VWF: variants seen among roughly 807,000 people sequenced by gnomAD.
The protein encoded by VWF is von Willebrand factor, also known as Factor VIII related antigen.
A neutral mutation model predicts 308.6 loss-of-function variants in VWF; 176 were observed. The ratio of observed to expected loss-of-function variants is 0.57; its 90% CI spans 0.50 to 0.65. The LOEUF is 0.65. Ranked by LOEUF, VWF falls within the 30% of genes least tolerant of loss-of-function variation. VWF has a pLI of 0.00. For missense variants in VWF, 3,146 were observed against 3,648.2 expected (o/e 0.86, Z 3.55); for synonymous variants, 1,385 against 1,443.4 (o/e 0.96, Z 0.92).
At chr12:6,099,036 T>C (rs1565389131) in intron 5 of VWF, among the ~76,000 whole-genome samples, 3 of 151,534 alleles carry the variant, frequency 2.0e-5, no homozygotes, top group Non-Finnish European at 4.4e-5. Context: ...TAAGAAACAA[T>C]GGGCTGGCCA....
chr12:5,963,801 A>G (rs997297405), intron 47 of VWF, among the ~76,000 whole-genome samples: 1 of 152,250 alleles, frequency 6.6e-6, no homozygotes, highest in Non-Finnish European at 1.5e-5. Context: ...CGCCTTATTT[A>G]TATCTGCATC....
intron 1 of VWF, among the ~76,000 whole-genome samples, 181 bp downstream of exon 1, chr12:6,124,240 G>T (rs2136539099): frequency 6.6e-6 from 1 of 152,280 alleles, no homozygotes. Context: ...AGCAGCCCCA[G>T]GACCCTCAGA....
intron 5 of VWF, among the ~76,000 whole-genome samples, chr12:6,100,145 C>T (rs1375747213): frequency 1.3e-5 from 2 of 152,006 alleles, no homozygotes; most frequent in Non-Finnish European, 2.9e-5. Context: ...TGAAAAAATG[C>T]TCATCATCAC....
Position 6,100,681 on chromosome 12 carries a change from G to A in VWF, c.533-5097C>T, listed in dbSNP as rs572512202. On this transcript the variant is annotated intron_variant, in intron 5 of 51. Transcript: ENST00000261405. ...ACCGCATGTTCTCACTCATAGATGG[G>A]AATTGAGCAATGAGAACACATGGAC... Among the ~76,000 whole-genome samples, 9 of 152,276 alleles carry A rather than the reference G, an allele frequency of 5.9e-5. No homozygotes were observed. The South Asian group carries it at 1.9e-3, about 32-fold the overall frequency.
At chr12:6,041,224 G>A (rs1944392762) in intron 18 of VWF, among the ~76,000 whole-genome samples, 2 of 151,942 alleles carry the variant, frequency 1.3e-5, no homozygotes, top group African/African-American at 4.8e-5. Flanking sequence ...AAGGTCAGGA[G>A]TTCGAGACCA....
Position 6,046,934 on chromosome 12 carries a change from C to T in VWF, c.2187-117G>A, listed in dbSNP as rs547820115. On this transcript the variant is annotated intron_variant, in intron 16 of 51. Transcript: ENST00000261405. The surrounding 1 kb of genome is among the most constrained non-coding windows in gnomAD (Gnocchi z 5.0). ...CCAACCAGGTCCCAGTCCCATAACC[C>T]CTCCTGAAGCACAGCTTGCTAACGT... is the stretch of plus-strand genomic sequence containing the variant. 12 of 852,198 alleles carry T rather than the reference C, an allele frequency of 1.4e-5. No homozygotes were observed. The highest frequency in any genetic ancestry group is 3.3e-5 in the African/African-American group (2 of 59,926). The allele number at this position is 852,198 out of a possible 1,614,324, so 52.8% of individuals were successfully genotyped here. A position where few individuals can be genotyped will look rare whatever the true frequency, so the allele number is the denominator to read the frequency against.
At chr12:5,997,144 G>C (rs1943816103) in intron 34 of VWF, among the ~76,000 whole-genome samples, 1 of 152,140 alleles carries the variant, frequency 6.6e-6, no homozygotes, top group African/African-American at 2.4e-5. Flanking sequence ...CACAACCACT[G>C]ACAAATGATG....
chr12:5,998,485 A>G (rs1943832757), intron 34 of VWF, among the ~76,000 whole-genome samples: 2 of 60,342 alleles, frequency 3.3e-5, no homozygotes, highest in Admixed American at 5.1e-4. Flanking sequence ...AAAAAAAAAA[A>G]AAAAAAAAAA....
intron 6 of VWF, among the ~76,000 whole-genome samples, chr12:6,089,992 G>C (rs1251466245): frequency 5.3e-5 from 8 of 151,786 alleles, no homozygotes; most frequent in South Asian, 4.2e-4. Context: ...GAGTCTCGCT[G>C]TGTCACCCAG....
At chr12:6,065,329 G>C in intron 10 of VWF, 56 bp from the exon 11 acceptor site, 1 of 1,608,078 alleles carries the variant, frequency 6.2e-7, no homozygotes, top group Non-Finnish European at 8.5e-7. Context: ...TTCCCCTGGG[G>C]TGGCCAAGGT....
At chr12:6,057,479 A>ATTTATTTTTT (rs1190622057) in intron 14 of VWF, among the ~76,000 whole-genome samples, 1 of 59,456 alleles carries the variant, frequency 1.7e-5, no homozygotes, top group Non-Finnish European at 3.7e-5. Context: ...CGCCCGGCAA[A>ATTTATTTTTT]TTTATTATTA....
chr12:6,095,390 T>C (rs778345992), intron 6 of VWF, 70 bp downstream of exon 6: 1 of 1,608,422 alleles, frequency 6.2e-7, no homozygotes, highest in South Asian at 1.1e-5. Flanking sequence ...GATATGAGAC[T>C]GAGTCCTTCT....
At chr12:6,068,814 TTCC>T (rs1944749185) in intron 10 of VWF, among the ~76,000 whole-genome samples, 7 of 139,784 alleles carry the variant, frequency 5.0e-5, no homozygotes, top group African/African-American at 2.2e-4. Flanking sequence ...TTTCTTTTTC[TTCC>T]TTTTTTTTTT....
chr12:5,987,857 G>A (rs1943696887), intron 38 of VWF, among the ~76,000 whole-genome samples: 1 of 152,184 alleles, frequency 6.6e-6, no homozygotes, highest in Non-Finnish European at 1.5e-5. Context: ...ATTTAAAAGG[G>A]CATAAGCTAA....
At chr12:5,993,615 G>GTA (rs199786013) in intron 37 of VWF, among the ~76,000 whole-genome samples, 1,595 of 148,778 alleles carry the variant, frequency 0.011, 13 homozygotes, top group Non-Finnish European at 0.016. Context: ...GTGTATGTGT[G>GTA]TATATATATA....
At chr12:6,065,409 A>T (rs1944702488) in intron 10 of VWF, 136 bp from the exon 11 acceptor site, 2 of 1,180,128 alleles carry the variant, frequency 1.7e-6, no homozygotes, top group Non-Finnish European at 2.4e-6. Context: ...ACCAGTCTAA[A>T]AACAAGTTCT....
chr12:6,053,385 T>C (rs1373349833), intron 15 of VWF, among the ~76,000 whole-genome samples: 1 of 152,128 alleles, frequency 6.6e-6, no homozygotes, highest in East Asian at 1.9e-4. Context: ...AGAGGAAGGA[T>C]TTGAACTCAG....
chr12:6,081,690 T>C (rs1442703406), intron 6 of VWF, among the ~76,000 whole-genome samples: 1 of 152,146 alleles, frequency 6.6e-6, no homozygotes, highest in Non-Finnish European at 1.5e-5. Flanking sequence ...ACTCCCAAGA[T>C]CCTTTCAGCA....
intron 34 of VWF, among the ~76,000 whole-genome samples, chr12:6,008,998 C>A (rs1943962334): frequency 6.6e-6 from 1 of 152,012 alleles, no homozygotes; most frequent in South Asian, 2.1e-4. Context: ...TAAAAGAAAA[C>A]ACAAGAACTT....
Sources: gnomAD v4.1 joint callset for allele counts (sites outside exome capture counted in the v4.1 genomes callset) on GRCh38, gnomAD v4.1.1 for gene constraint, Gnocchi (gnomAD v3.1) non-coding constraint, MANE v1.5 for transcripts, NCBI Gene and HGNC (gene_info 2026-07-23, HGNC 2026-07-21) for gene names.